SLC8A3: variants seen among roughly 807,000 people sequenced by gnomAD.
SLC8A3 encodes sodium/calcium exchanger 3.
SLC8A3 carries 37 observed loss-of-function variants against 65.4 expected under a neutral mutation model. The observed-to-expected ratio is 0.57, with a 90% CI of 0.44 to 0.74. SLC8A3 has a LOEUF of 0.74. SLC8A3 is among the 30% of genes least tolerant of loss of function. The pLI, the probability that SLC8A3 is intolerant of heterozygous loss-of-function variation, is 0.00. For synonymous variants in SLC8A3, 461 were observed against 444.5 expected, an observed-to-expected ratio of 1.04 and a Z score of -0.47; for missense variants, 1,112 against 1,172.1, an observed-to-expected ratio of 0.95 and a Z score of 0.75.
intron 1 of SLC8A3, among the ~76,000 whole-genome samples, chr14:70,173,483 C>A (rs1457309377): frequency 6.6e-6 from 1 of 152,086 alleles, no homozygotes; most frequent in Admixed American, 6.5e-5. Context: ...ATATCACTGG[C>A]AAATTTAATT....
In SLC8A3 at chr14:70,044,376, T is replaced by C. The variant is rs1323145427; in HGVS notation, c.*1571A>G. Reference sequence around the variant, plus strand: ...AAATTAACAGGTGTTTTTTAATTTCTTCCCCCCCCCCCTTAGAAAATGTAT... The same window carrying C: ...AAATTAACAGGTGTTTTTTAATTTCCTCCCCCCCCCCCTTAGAAAATGTAT... On this transcript the variant is annotated 3_prime_UTR_variant, in exon 7 of 7. Transcript: ENST00000356921. The C allele has an allele frequency of 8.7e-6, 1 of 115,084 alleles. No individual in the cohort carries two copies. The highest frequency in any genetic ancestry group is 7.8e-5 in the Admixed American group (1 of 12,884). The allele number at this position is 115,084 out of a possible 1,614,324, so 7.1% of individuals were successfully genotyped here.
chr14:70,180,024 G>A (rs1882599243), intron 1 of SLC8A3, among the ~76,000 whole-genome samples: 1 of 152,136 alleles, frequency 6.6e-6, no homozygotes, highest in East Asian at 1.9e-4. Flanking sequence ...AGGAAGTCAG[G>A]GCTGGAGTCA....
At chr14:70,102,652 T>C (rs1034112295) in intron 2 of SLC8A3, among the ~76,000 whole-genome samples, 1 of 152,102 alleles carries the variant, frequency 6.6e-6, no homozygotes, top group Non-Finnish European at 1.5e-5. Flanking sequence ...ATACTATAAA[T>C]AATAACCTAA....
At chr14:70,097,568 G>T (rs894342885) in intron 2 of SLC8A3, among the ~76,000 whole-genome samples, 6 of 152,170 alleles carry the variant, frequency 3.9e-5, no homozygotes, top group Non-Finnish European at 8.8e-5. Flanking sequence ...GTACAATGGA[G>T]ACTGTTTAAG....
intron 2 of SLC8A3, among the ~76,000 whole-genome samples, chr14:70,135,152 CT>C (rs1441964014): frequency 1.3e-5 from 2 of 152,272 alleles, no homozygotes; most frequent in East Asian, 3.9e-4. Context: ...CTCAACATCA[CT>C]AATTATAAGG....
chr14:70,091,300 AC>A (rs1369862174), intron 2 of SLC8A3, among the ~76,000 whole-genome samples: 2 of 152,186 alleles, frequency 1.3e-5, no homozygotes, highest in African/African-American at 2.4e-5. Context: ...TTTTTTAATA[AC>A]AAAAATTTGT....
At chr14:70,181,895 T>C (rs1566838799) in intron 1 of SLC8A3, among the ~76,000 whole-genome samples, 2 of 152,184 alleles carry the variant, frequency 1.3e-5, no homozygotes, top group East Asian at 3.8e-4. Context: ...TTTTTTACAG[T>C]ATAATAATAG....
At chr14:70,144,308 GTTTTTTT>G (rs538954381) in intron 2 of SLC8A3, among the ~76,000 whole-genome samples, 1 of 49,058 alleles carries the variant, frequency 2.0e-5, no homozygotes, top group Non-Finnish European at 3.5e-5. Flanking sequence ...AAAACTTCCT[GTTTTTTT>G]TTTTTTTTTT....
At chr14:70,072,258 A>G (rs1430223575) in intron 2 of SLC8A3, among the ~76,000 whole-genome samples, 1 of 152,150 alleles carries the variant, frequency 6.6e-6, no homozygotes, top group Admixed American at 6.5e-5. Flanking sequence ...ACCTGTGGCT[A>G]GAGGGAAAGG....
At chr14:70,159,345 T>C (rs1483083297) in intron 2 of SLC8A3, among the ~76,000 whole-genome samples, 1 of 150,034 alleles carries the variant, frequency 6.7e-6, no homozygotes, top group East Asian at 1.9e-4. Flanking sequence ...AAAGCAGAGG[T>C]TGCAGTGAGC....
chr14:70,070,226 G>T (rs747247260), intron 2 of SLC8A3, among the ~76,000 whole-genome samples: 9 of 152,170 alleles, frequency 5.9e-5, no homozygotes, highest in Non-Finnish European at 7.4e-5. Flanking sequence ...CTTATTTTGT[G>T]CTAGGCAGAG....
At position 70,167,663 on chromosome 14, in the gene SLC8A3, G is replaced by A. The variant is rs1490891270; in HGVS notation, c.760C>T (p.Arg254Ter). The change falls in exon 2 of 7, where the codon CGA becomes TGA. Residue 254 changes from arginine to a stop codon, truncating the protein, a stop_gained. Transcript: ENST00000356921. LOFTEE classifies it high-confidence loss of function. ...TGCATGTATTTGTAGAAGAGCAGTC[G>A]TTTATCTGCCACCCAGGCCAGAAGG... The part of the protein sequence containing the change: ...CVLLAWVADK[R>*]LLFYKYMHKK... 8 of 1,614,016 alleles carry A rather than the reference G, an allele frequency of 5.0e-6. No homozygotes were observed. The highest frequency in any genetic ancestry group is 5.9e-6 in the Non-Finnish European group (7 of 1,180,034).
At chr14:70,080,431 A>T (rs1890952686) in intron 2 of SLC8A3, among the ~76,000 whole-genome samples, 1 of 152,186 alleles carries the variant, frequency 6.6e-6, no homozygotes, top group South Asian at 2.1e-4. Context: ...GGCAGTGCTT[A>T]GTAAAGGCTC....
chr14:70,055,958 C>T (rs538011622), intron 3 of SLC8A3: 173 of 664,708 alleles, frequency 2.6e-4, no homozygotes, highest in African/African-American at 3.3e-4. Flanking sequence ...AGCAGCCATA[C>T]GCAAAAAGAA....
intron 1 of SLC8A3, among the ~76,000 whole-genome samples, chr14:70,180,577 T>G (rs968681866): frequency 6.6e-6 from 1 of 152,232 alleles, no homozygotes; most frequent in African/African-American, 2.4e-5. Context: ...GGATTCTTCC[T>G]GTCTCACTGG....
At chr14:70,068,361 A>G (rs953588264) in intron 2 of SLC8A3, among the ~76,000 whole-genome samples, 1 of 152,154 alleles carries the variant, frequency 6.6e-6, no homozygotes, top group Non-Finnish European at 1.5e-5. Context: ...AACCATAAGA[A>G]GAACTTTCTT....
At chr14:70,171,210 C>T (rs1218695818) in intron 1 of SLC8A3, among the ~76,000 whole-genome samples, 1 of 152,142 alleles carries the variant, frequency 6.6e-6, no homozygotes, top group Non-Finnish European at 1.5e-5. Flanking sequence ...TGAGAGCCAA[C>T]CAATCCCAAG....
chr14:70,146,286 A>T (rs1348189312), intron 2 of SLC8A3, among the ~76,000 whole-genome samples: 1 of 152,206 alleles, frequency 6.6e-6, no homozygotes, highest in Non-Finnish European at 1.5e-5. Flanking sequence ...TTTTGGCAGG[A>T]ATCTAGGTCT....
intron 1 of SLC8A3, among the ~76,000 whole-genome samples, chr14:70,175,452 G>A (rs1897842816): frequency 6.6e-6 from 1 of 152,182 alleles, no homozygotes; most frequent in Admixed American, 6.5e-5. Context: ...TAAGCTCCAG[G>A]AGATGAAAGG....
Sources: gnomAD v4.1 joint callset for allele counts (sites outside exome capture counted in the v4.1 genomes callset) on GRCh38, gnomAD v4.1.1 for gene constraint, MANE v1.5 for transcripts, NCBI Gene and HGNC (gene_info 2026-07-23, HGNC 2026-07-21) for gene names.